Variants in RIMS1 observed in about 807,000 individuals in gnomAD.
RIMS1 encodes regulating synaptic membrane exocytosis protein 1.
RIMS1 carries 83 observed loss-of-function variants against 214.1 expected under a neutral mutation model. That is an observed-to-expected ratio of 0.39 (90% CI 0.32 to 0.47). The LOEUF is 0.47. RIMS1 is among the 20% of genes least tolerant of loss of function. RIMS1 has a pLI of 0.99. For missense variants in RIMS1, 2,050 were observed against 2,161.8 expected, an observed-to-expected ratio of 0.95 and a Z score of 1.03; for synonymous variants, 793 against 786.8, an observed-to-expected ratio of 1.01 and a Z score of -0.13.
chr6:71,894,934 A>G (rs1771187126), intron 1 of RIMS1, among the ~76,000 whole-genome samples: 1 of 152,226 alleles, frequency 6.6e-6, no homozygotes, highest in Non-Finnish European at 1.5e-5. Flanking sequence ...AATGATTTAT[A>G]CATTATTTAG....
At chr6:72,194,960 G>T (rs912204380) in intron 6 of RIMS1, among the ~76,000 whole-genome samples, 4 of 152,026 alleles carry the variant, frequency 2.6e-5, no homozygotes, top group African/African-American at 9.7e-5. Context: ...ACTAAATCCT[G>T]CTTATAAAAT....
chr6:71,996,026 T>C (rs374940744), intron 2 of RIMS1, among the ~76,000 whole-genome samples: 2 of 152,204 alleles, frequency 1.3e-5, no homozygotes, highest in African/African-American at 4.8e-5. Context: ...ACTTCAGTGA[T>C]CCACCCACCT....
intron 4 of RIMS1, among the ~76,000 whole-genome samples, chr6:72,151,112 G>A (rs566088158): frequency 4.6e-5 from 7 of 151,884 alleles, no homozygotes; most frequent in East Asian, 3.9e-4. Flanking sequence ...GCGCAATCTC[G>A]GCTCACTGCA....
chr6:72,176,693 A>G (rs921133185), intron 4 of RIMS1, among the ~76,000 whole-genome samples: 6 of 151,206 alleles, frequency 4.0e-5, no homozygotes, highest in Admixed American at 6.6e-5. Context: ...TAAGACATAG[A>G]AAAAGTTTGG....
intron 1 of RIMS1, among the ~76,000 whole-genome samples, chr6:71,966,945 T>C (rs1583683406): frequency 6.6e-6 from 1 of 152,248 alleles, no homozygotes; most frequent in South Asian, 2.1e-4. Flanking sequence ...TCTTAAGTAG[T>C]AGATTTGTTT....
At chr6:72,307,480 CG>C (rs1472009891) in intron 27 of RIMS1, 110 bp downstream of exon 27, 1 of 679,878 alleles carries the variant, frequency 1.5e-6, no homozygotes. Flanking sequence ...TCATTTGGGC[CG>C]GGCATGGTAG....
At chr6:72,300,969 T>C (rs372606107) in intron 26 of RIMS1, among the ~76,000 whole-genome samples, 1 of 151,750 alleles carries the variant, frequency 6.6e-6, no homozygotes, top group Non-Finnish European at 1.5e-5. Context: ...ATTTCACTTA[T>C]CTAAACATAG....
chr6:72,332,546 GA>G (rs2096704686), intron 28 of RIMS1, among the ~76,000 whole-genome samples: 1 of 91,470 alleles, frequency 1.1e-5, no homozygotes, highest in African/African-American at 4.1e-5. Flanking sequence ...GGGGTGGGGG[GA>G]GGGGGGAGGG....
chr6:72,163,363 C>T (rs186204336), intron 4 of RIMS1, among the ~76,000 whole-genome samples: 1 of 140,770 alleles, frequency 7.1e-6, no homozygotes, highest in African/African-American at 2.5e-5. Context: ...GTTTGATCAT[C>T]TGAAGCCTTC....
intron 4 of RIMS1, among the ~76,000 whole-genome samples, chr6:72,150,556 C>T: frequency 6.6e-6 from 1 of 152,268 alleles, no homozygotes; most frequent in Admixed American, 6.5e-5. Context: ...ATATTTGACT[C>T]CATTGTCCTC....
intron 29 of RIMS1, chr6:72,365,694 A>G (rs1399571163): frequency 6.6e-6 from 1 of 152,256 alleles, no homozygotes; most frequent in African/African-American, 2.4e-5. Context: ...TTACTCCTTC[A>G]TGCTGTTGAC....
chr6:72,113,662 AC>A (rs151000867), intron 4 of RIMS1, among the ~76,000 whole-genome samples: 41,910 of 151,790 alleles, frequency 0.28, 6,675 homozygotes, highest in Admixed American at 0.36. Flanking sequence ...TTACTTTAGT[AC>A]TTTTATTTTC....
intron 2 of RIMS1, among the ~76,000 whole-genome samples, chr6:72,028,017 T>G (rs981858395): frequency 6.6e-6 from 1 of 152,138 alleles, no homozygotes; most frequent in African/African-American, 2.4e-5. Context: ...GAATTCAGAT[T>G]AAAGAAAAGC....
chr6:72,244,839 C>T (rs970823635), intron 10 of RIMS1, among the ~76,000 whole-genome samples: 3 of 151,686 alleles, frequency 2.0e-5, no homozygotes, highest in Admixed American at 1.3e-4. Flanking sequence ...TTTTCATTCC[C>T]CCCAAAAGTG....
At chr6:72,049,566 A>C (rs1446357838) in intron 2 of RIMS1, among the ~76,000 whole-genome samples, 1 of 152,214 alleles carries the variant, frequency 6.6e-6, no homozygotes, top group African/African-American at 2.4e-5. Flanking sequence ...ACAGTTTCCC[A>C]AATTGCTTAG....
intron 26 of RIMS1, among the ~76,000 whole-genome samples, chr6:72,302,043 T>C (rs1288431888): frequency 1.3e-5 from 2 of 151,634 alleles, no homozygotes; most frequent in African/African-American, 4.8e-5. Context: ...TGAAATACTA[T>C]AGAATCATAG....
intron 6 of RIMS1, among the ~76,000 whole-genome samples, chr6:72,209,900 CAAAA>C (rs200401100): frequency 2.6e-5 from 3 of 115,822 alleles, no homozygotes; most frequent in Non-Finnish European, 5.9e-5. Flanking sequence ...GACTCTGTCT[CAAAA>C]AAAAAAAAAA....
intron 2 of RIMS1, among the ~76,000 whole-genome samples, chr6:72,009,531 C>T (rs1322862372): frequency 6.6e-6 from 1 of 150,984 alleles, no homozygotes; most frequent in Non-Finnish European, 1.5e-5. Flanking sequence ...TCAATTAATC[C>T]AGGAGCTGGT....
At chr6:72,215,548 T>G (rs1237132354) in intron 6 of RIMS1, among the ~76,000 whole-genome samples, 1 of 152,234 alleles carries the variant, frequency 6.6e-6, no homozygotes, top group East Asian at 1.9e-4. Context: ...TAATATGGGA[T>G]AAGTGTTGTT....
Sources: allele counts gnomAD v4.1 joint callset (sites outside exome capture counted in the v4.1 genomes callset), GRCh38; gene constraint gnomAD v4.1.1; transcripts MANE v1.5; gene names NCBI Gene and HGNC (gene_info 2026-07-23, HGNC 2026-07-21).